The following SHANK1 variants were observed in gnomAD, a reference collection of about 807,000 sequenced individuals.
SHANK1 encodes the protein SH3 and multiple ankyrin repeat domains protein 1.
In SHANK1, 35 loss-of-function variants were observed where a neutral mutation model predicts 165.6. The ratio of observed to expected loss-of-function variants is 0.21; its 90% CI spans 0.16 to 0.28. SHANK1 has a LOEUF of 0.28. Among genes scored for constraint, SHANK1 ranks in the 10% least tolerant of loss-of-function variants. The pLI, the probability that SHANK1 is intolerant of heterozygous loss-of-function variation, is 1.00. For missense variants in SHANK1, 2,681 were observed against 3,036.4 expected (o/e 0.88, Z 2.75); for synonymous variants, 1,428 against 1,384.8 (o/e 1.03, Z -0.69).
intron 23 of SHANK1, among the ~76,000 whole-genome samples, chr19:50,664,263 A>C (rs1985394084): frequency 6.6e-6 from 1 of 152,084 alleles, no homozygotes; most frequent in African/African-American, 2.4e-5. Context: ...ATGGACAAGG[A>C]TATTTAAAAC....
intron 9 of SHANK1, 38 bp from the exon 10 acceptor site, chr19:50,704,224 C>G (rs1163660366): frequency 1.3e-6 from 2 of 1,599,672 alleles, no homozygotes; most frequent in Admixed American, 1.7e-5. Context: ...GCCAGGGGGG[C>G]CCAGGCAGCA....
Position 50,702,552 on chromosome 19 carries a change from T to C in SHANK1, c.1662A>G (p.Val554=). The C allele has an allele frequency of 6.2e-7, 1 of 1,613,074 alleles. No homozygotes were observed. Among genetic ancestry groups the C allele is most frequent in the Non-Finnish European group, 8.5e-7 (1 of 1,179,830 alleles). Residue 554 remains valine (V), a synonymous_variant, in exon 12 of 24, where the codon GTA becomes GTG. Transcript: ENST00000293441. This position sits in a 1 kb window ranked among gnomAD's most constrained non-coding sequence, Gnocchi z 5.3. The stretch of plus-strand genomic sequence containing the variant: ...TCACAGCCATGAAGGAGCGTCCGGG[T>C]ACCGCTGAGTAGAGCTTCCTCCGCC... ...RGRRRKLYSA[V]PGRSFMAVKS...
Position 50,710,290 on chromosome 19 carries a change from G to T in SHANK1, c.1077+1081C>A, listed in dbSNP as rs151003897. ...GGCATACTGCTGGCTGCCACAAGGCGGCACGTGGCCACCCGCCAAATCCCC... is the reference window on the plus strand; with the variant it reads ...GGCATACTGCTGGCTGCCACAAGGCTGCACGTGGCCACCCGCCAAATCCCC... On this transcript the variant is annotated intron_variant, in intron 8 of 23. Transcript: ENST00000293441. Among the ~76,000 whole-genome samples the T allele has an allele frequency of 2.1e-3, 318 of 152,312 alleles. 3 individuals carry two copies. Among genetic ancestry groups the T allele is most frequent in the Non-Finnish European group, 3.3e-3 (222 of 68,024 alleles).
At position 50,662,237 on chromosome 19, in the gene SHANK1, C is replaced by T. The variant is rs758872017; in HGVS notation, c.6214G>A (p.Ala2072Thr). 181 of 1,610,018 alleles carry T rather than the reference C, an allele frequency of 1.1e-4. No homozygotes were observed. Among genetic ancestry groups the T allele is most frequent in the Non-Finnish European group, 1.5e-4 (173 of 1,177,514 alleles). ...CGGGTCGGTGAGAGGGAGCGCGAGG[C>T]CCCTGACAAGGCTCCCCCGAGCCCC... The part of the protein sequence containing the change: ...SGGLGGALSG[A>T]SRSLSPTRLL... The change falls in exon 24 of 24, where the codon GCC becomes ACC. Residue 2072 changes from alanine to threonine, a missense_variant. By Grantham distance (58) the Ala-to-Thr change is moderately conservative. Transcript: ENST00000293441. The surrounding 1 kb of genome is among the most constrained non-coding windows in gnomAD (Gnocchi z 7.7).
chr19:50,703,064 G>A (rs1391128337), intron 11 of SHANK1, among the ~76,000 whole-genome samples: 1 of 151,658 alleles, frequency 6.6e-6, no homozygotes, highest in East Asian at 1.9e-4. Context: ...GCTGGCCTTC[G>A]CCTCCTTCTC....
At position 50,669,177 on chromosome 19, in the gene SHANK1, G is replaced by C; in HGVS notation, c.2783C>G (p.Pro928Arg). 1 of 1,600,970 alleles carries C rather than the reference G, an allele frequency of 6.2e-7. No individual in the cohort carries two copies. Among genetic ancestry groups the C allele is most frequent in the Non-Finnish European group, 8.5e-7 (1 of 1,173,860 alleles). Reference protein sequence around the residue: ...EDIPPPPTTSPPEPPYSTPPV... With the variant: ...EDIPPPPTTSRPEPPYSTPPV... ...AGGTGTGCTGTAGGGAGGCTCCGGT[G>C]GGGACGTGGTGGGTGGCGGGGGAAT... The change falls in exon 23 of 24, where the codon CCA (proline) becomes CGA (arginine). Residue 928 changes from proline (P) to arginine (R), a missense_variant. This residue lies in a region of SHANK1 where 10 missense variants were observed against 28.9 expected (regional missense o/e 0.35). Coordinates refer to ENST00000293441, the MANE Select transcript of SHANK1 (RefSeq NM_016148.5).
chr19:50,661,735 C>T lies in SHANK1; in HGVS notation c.*230G>A, dbSNP rs939050716. Reference sequence around the variant, plus strand: ...TTTCTCCTATCCCCCCTCCGCTCCCCGCTTCACACACACACACACACTCTT... The same window carrying T: ...TTTCTCCTATCCCCCCTCCGCTCCCTGCTTCACACACACACACACACTCTT... On this transcript the variant is annotated 3_prime_UTR_variant, in exon 24 of 24. Transcript: ENST00000293441. 49 of 466,296 alleles carry T rather than the reference C, an allele frequency of 1.1e-4. No homozygotes were observed. Among genetic ancestry groups the T allele is most frequent in the Non-Finnish European group, 1.5e-4 (41 of 274,198 alleles). 28.9% of individuals were successfully genotyped at this position (466,296 alleles called of 1,614,324 possible). A position where few individuals can be genotyped will look rare whatever the true frequency, so the allele number is the denominator to read the frequency against.
Position 50,692,456 on chromosome 19 carries a change from G to GATATATAT in SHANK1, c.1965-3185_1965-3178dup, listed in dbSNP as rs142402078. On this transcript the variant is annotated intron_variant, in intron 15 of 23. Transcript: ENST00000293441. The stretch of plus-strand genomic sequence containing the variant: ...TCAAAGCCAAGATTTGAATTCACCA[G>GATATATAT]ATATATATATATATATACACACACA... Among the ~76,000 whole-genome samples the GATATATAT allele has an allele frequency of 1.1e-3, 147 of 128,888 alleles. 7 individuals carry two copies. The Middle Eastern group carries it at 0.012, about 10-fold the overall frequency. 84.6% of individuals were successfully genotyped at this position (128,888 alleles called of 152,430 possible).
In SHANK1 at chr19:50,712,067, C is replaced by G. The variant is rs202030259; in HGVS notation, c.840G>C (p.Gly280=). 1 of 1,611,932 alleles carries G rather than the reference C, an allele frequency of 6.2e-7. No homozygotes were observed. Among genetic ancestry groups the G allele is most frequent in the Non-Finnish European group, 8.5e-7 (1 of 1,179,208 alleles). The part of the protein sequence containing the change: ...GGSPNYKDRR[G]LTPLFHTAMV... ...TGGCCGTGTGGAACAGAGGGGTCAG[C>G]CCCCGACGGTCCTTGTAGTTGGGGG... The change falls in exon 7 of 24, where the codon GGG becomes GGC. Residue 280 remains glycine, a synonymous_variant. Coordinates refer to ENST00000293441, the MANE Select transcript of SHANK1 (RefSeq NM_016148.5).
intron 12 of SHANK1, among the ~76,000 whole-genome samples, chr19:50,700,355 CG>C (rs1214771385): frequency 1.4e-5 from 2 of 142,738 alleles, no homozygotes; most frequent in Middle Eastern, 4.0e-3. Flanking sequence ...TTGGAGGGCT[CG>C]GGGCATAGGA....
In SHANK1 at chr19:50,666,567, A is replaced by C; in HGVS notation, c.5393T>G (p.Leu1798Arg). 7 of 1,600,110 alleles carry C rather than the reference A, an allele frequency of 4.4e-6. No homozygotes were observed. The highest frequency in any genetic ancestry group is 5.1e-6 in the Non-Finnish European group (6 of 1,175,570). The change falls in exon 23 of 24, where the codon CTG becomes CGG. Residue 1798 changes from leucine (L) to arginine (R), a missense_variant. Transcript: ENST00000293441. ...SVTGAGTDGL[L>R]ALRACSGPPT... ...GGGTCCTGAACAAGCACGCAGGGCC[A>C]GCAGCCCATCGGTTCCAGCCCCTGT...
rs1599877183 is a variant in SHANK1 at position 50,718,795 on chromosome 19, A to C, written c.-44+611T>G. Among the ~76,000 whole-genome samples, 2 of 98,612 alleles carry C rather than the reference A, an allele frequency of 2.0e-5. No individual in the cohort carries two copies. The highest frequency in any genetic ancestry group is 3.4e-4 in the East Asian group (1 of 2,926). The allele number at this position is 98,612 out of a possible 152,430, so 64.7% of individuals were successfully genotyped here. A position where few individuals can be genotyped will look rare whatever the true frequency, so the allele number is the denominator to read the frequency against. On this transcript the variant is annotated intron_variant, in intron 1 of 23. Coordinates refer to ENST00000293441, the MANE Select transcript of SHANK1 (RefSeq NM_016148.5). This position sits in a 1 kb window ranked among gnomAD's most constrained non-coding sequence, Gnocchi z 5.1. Reference sequence around the variant, plus strand: ...GAGGCTGGGAAACTGGTGGGGGAGAACCCGGCCGGGGAGAGGGGCGGGGGG... The same window carrying C: ...GAGGCTGGGAAACTGGTGGGGGAGACCCCGGCCGGGGAGAGGGGCGGGGGG...
At chr19:50,708,175 G>C (rs2088968294) in intron 8 of SHANK1, among the ~76,000 whole-genome samples, 1 of 151,870 alleles carries the variant, frequency 6.6e-6, no homozygotes, top group African/African-American at 2.4e-5. Flanking sequence ...TTGAACTCCT[G>C]ACCTCGTGAT....
At chr19:50,673,473 ATTGTCACAGTTCCTTTTCAGCGCGAAG>A (rs1985872123) in intron 21 of SHANK1, among the ~76,000 whole-genome samples, 1 of 151,600 alleles carries the variant, frequency 6.6e-6, no homozygotes, top group Admixed American at 6.6e-5. Context: ...TTTCCCTCTT[ATTGTCACAGTTCCTTTTCAGCGCGAAG>A]TTCTCCTCGG....
Position 50,669,039 on chromosome 19 carries a change from G to T in SHANK1, c.2921C>A (p.Ser974Tyr). The change falls in exon 23 of 24, where the codon TCC (serine) becomes TAC (tyrosine). Residue 974 changes from serine to tyrosine, a missense_variant. Transcript: ENST00000293441. ...ASSPASFDGP[S>Y]PPDTRVGSRE... ...GCTCCCCACGCGAGTGTCGGGAGGG[G>T]AGGGCCCGTCAAAGGATGCAGGGGA... The T allele has an allele frequency of 1.1e-6, 1 of 880,654 alleles. No homozygotes were observed. 54.6% of individuals were successfully genotyped at this position (880,654 alleles called of 1,614,324 possible).
chr19:50,686,995 C>T lies in SHANK1; in HGVS notation c.2390-183G>A, dbSNP rs1460356044. Reference sequence around the variant, plus strand: ...CGGGGTCGGGAGACGGGGGCCCTCCCGCCAGTCCTGTGCCCACTCACCACT... The same window carrying T: ...CGGGGTCGGGAGACGGGGGCCCTCCTGCCAGTCCTGTGCCCACTCACCACT... On this transcript the variant is annotated intron_variant, in intron 19 of 23. Coordinates refer to ENST00000293441, the MANE Select transcript of SHANK1 (RefSeq NM_016148.5). This position sits in a 1 kb window ranked among gnomAD's most constrained non-coding sequence, Gnocchi z 5.7. The T allele has an allele frequency of 6.9e-7, 1 of 1,458,082 alleles. No homozygotes were observed. The highest frequency in any genetic ancestry group is 1.5e-5 in the South Asian group (1 of 67,234). 90.3% of individuals were successfully genotyped at this position (1,458,082 alleles called of 1,614,324 possible).
chr19:50,661,376 A>G lies in SHANK1; in HGVS notation c.*589T>C, dbSNP rs1235251614. Among the ~76,000 whole-genome samples the G allele has an allele frequency of 6.6e-6, 1 of 152,170 alleles. No homozygotes were observed. The highest frequency in any genetic ancestry group is 1.5e-5 in the Non-Finnish European group (1 of 68,034). On this transcript the variant is annotated 3_prime_UTR_variant, in exon 24 of 24. Coordinates refer to ENST00000293441, the MANE Select transcript of SHANK1 (RefSeq NM_016148.5). Reference sequence around the variant, plus strand: ...CTCGCCAGCCAGAAGCAAAGGCAGAATGTGCAAGACAGCGAGAGGGCAAAT... The same window carrying G: ...CTCGCCAGCCAGAAGCAAAGGCAGAGTGTGCAAGACAGCGAGAGGGCAAAT...
At position 50,718,194 on chromosome 19, in the gene SHANK1, G is replaced by A. The variant is rs1019562376; in HGVS notation, c.-44+1212C>T. 2.8e-4 allele frequency among the ~76,000 whole-genome samples: 43 copies of A among 152,154 alleles called. No homozygotes were observed. The highest frequency in any genetic ancestry group is 5.9e-4 in the Admixed American group (9 of 15,284). On this transcript the variant is annotated intron_variant, in intron 1 of 23. Transcript: ENST00000293441. This position sits in a 1 kb window ranked among gnomAD's most constrained non-coding sequence, Gnocchi z 5.1. ...GGAGAGTTCCAGGAGGTGTGGGCGA[G>A]CGAGCCTCTAACCCAGGGCCGGCGG...
Position 50,711,490 on chromosome 19 carries a change from G to A in SHANK1, c.961-3C>T. Reference sequence around the variant, plus strand: ...TGAGAGTGACCCCGCTGGCAGGCCTGGGCAGGACAGGGAGCGAGGGGCATG... The same window carrying A: ...TGAGAGTGACCCCGCTGGCAGGCCTAGGCAGGACAGGGAGCGAGGGGCATG... On this transcript the variant is annotated splice_polypyrimidine_tract_variant and splice_region_variant and intron_variant, in intron 7 of 23. Transcript: ENST00000293441. The A allele has an allele frequency of 2.5e-6, 4 of 1,569,700 alleles. No individual in the cohort carries two copies. Among genetic ancestry groups the A allele is most frequent in the Non-Finnish European group, 3.5e-6 (4 of 1,157,364 alleles).
Sources: gnomAD v4.1 joint callset for allele counts (sites outside exome capture counted in the v4.1 genomes callset) on GRCh38, gnomAD v4.1.1 for gene constraint, gnomAD v4.1.1 regional missense constraint, Gnocchi (gnomAD v3.1) non-coding constraint, MANE v1.5 for transcripts, NCBI Gene and HGNC (gene_info 2026-07-23, HGNC 2026-07-21) for gene names.